The following PLXNA4 variants were observed in gnomAD, a reference collection of about 807,000 sequenced individuals.
PLXNA4 encodes plexin-A4.
A neutral mutation model predicts 191.8 loss-of-function variants in PLXNA4; 44 were observed. The ratio of observed to expected loss-of-function variants is 0.23; its 90% CI spans 0.18 to 0.29. The LOEUF is 0.29. PLXNA4 is among the 10% of genes least tolerant of loss of function. The probability of loss-of-function intolerance (pLI) is 1.00; values close to 1 mark genes in which losing one functional copy is unlikely to be tolerated. For missense variants in PLXNA4, 1,800 were observed against 2,488.8 expected (o/e 0.72, Z 5.89); for synonymous variants, 1,082 against 1,009.5 (o/e 1.07, Z -1.36).
rs924361526 is a variant in PLXNA4 at position 132,612,987 on chromosome 7, G to GA, written c.-87+32940dup. ...CAGTCACCTAGATGTAACACTATGAGAAAAAAAAAACGGACTTAATCTTTA... is the reference window on the plus strand; with the variant it reads ...CAGTCACCTAGATGTAACACTATGAGAAAAAAAAAAACGGACTTAATCTTTA... On this transcript the variant is annotated intron_variant, in intron 2 of 4. Transcript: ENST00000378539. Among the ~76,000 whole-genome samples the GA allele has an allele frequency of 9.0e-3, 1,325 of 147,040 alleles. 9 individuals are homozygous for GA. Among genetic ancestry groups the GA allele is most frequent in the African/African-American group, 0.02 (784 of 40,136 alleles).
chr7:132,393,887 A>C (rs1230441239), intron 3 of PLXNA4, among the ~76,000 whole-genome samples: 1 of 152,180 alleles, frequency 6.6e-6, no homozygotes, highest in African/African-American at 2.4e-5. Context: ...GGGGCTGTGT[A>C]ACAATCCAGG....
intron 5 of PLXNA4, among the ~76,000 whole-genome samples, chr7:132,231,467 C>A (rs992933075): frequency 1.3e-5 from 2 of 152,076 alleles, no homozygotes; most frequent in African/African-American, 4.8e-5. Flanking sequence ...CTCTGTAGCC[C>A]AGGCTGGAAT....
intron 1 of PLXNA4, among the ~76,000 whole-genome samples, chr7:132,526,768 G>A (rs1019257342): frequency 3.9e-5 from 6 of 152,168 alleles, no homozygotes; most frequent in Non-Finnish European, 8.8e-5. Context: ...CTCTCAAATA[G>A]GTCACTAGGA....
At chr7:132,574,744 A>C (rs553030913) in intron 1 of PLXNA4, among the ~76,000 whole-genome samples, 264 of 152,340 alleles carry the variant, frequency 1.7e-3, no homozygotes, top group Non-Finnish European at 2.9e-3. Context: ...GCTTCTCCCC[A>C]GCCTAGCCAG....
At position 132,537,603 on chromosome 7, in the gene PLXNA4, A is replaced by G. The variant is rs139176339; in HGVS notation, c.-86-28824T>C. Among the ~76,000 whole-genome samples, 1,381 of 152,316 alleles carry G rather than the reference A, an allele frequency of 9.1e-3. 27 individuals carry two copies. Among genetic ancestry groups the G allele is most frequent in the African/African-American group, 0.031 (1,288 of 41,582 alleles). On this transcript the variant is annotated intron_variant, in intron 1 of 31. Transcript: ENST00000321063. Reference sequence around the variant, plus strand: ...CTGCAGGGTGTCTCGGGACTGAGGCACATGTGCCTGACCAGACCCGGAAGA... The same window carrying G: ...CTGCAGGGTGTCTCGGGACTGAGGCGCATGTGCCTGACCAGACCCGGAAGA...
intron 25 of PLXNA4, among the ~76,000 whole-genome samples, chr7:132,156,515 G>A (rs942500411): frequency 9.2e-5 from 14 of 152,188 alleles, no homozygotes; most frequent in East Asian, 3.9e-4. Flanking sequence ...TGCTCCTGCC[G>A]TGCCAGGGGC....
Position 132,341,524 on chromosome 7 carries a change from G to A in PLXNA4, c.1372-43302C>T, listed in dbSNP as rs141621019. Among the ~76,000 whole-genome samples, 106 of 152,256 alleles carry A rather than the reference G, an allele frequency of 7.0e-4. 1 individual carries two copies. The highest frequency in any genetic ancestry group is 3.4e-3 in the Middle Eastern group (1 of 294). On this transcript the variant is annotated intron_variant, in intron 3 of 31. Coordinates refer to ENST00000321063, the MANE Select transcript of PLXNA4 (RefSeq NM_020911.2). The stretch of plus-strand genomic sequence containing the variant: ...AGAATGGCCCCAACCAATGTTTCCA[G>A]CCCCATATCCTGCCTTCCTGCATGG...
intron 4 of PLXNA4, among the ~76,000 whole-genome samples, chr7:132,287,799 CGG>C (rs1800739453): frequency 6.6e-6 from 1 of 152,162 alleles, no homozygotes; most frequent in African/African-American, 2.4e-5. Context: ...CCATGTACCC[CGG>C]GATGCCCTAG....
intron 2 of PLXNA4, among the ~76,000 whole-genome samples, chr7:132,497,814 G>C (rs1206629145): frequency 6.6e-6 from 1 of 152,136 alleles, no homozygotes; most frequent in Non-Finnish European, 1.5e-5. Flanking sequence ...TGGAAACAAT[G>C]CTGGAGTGAG....
intron 4 of PLXNA4, among the ~76,000 whole-genome samples, chr7:132,253,061 T>C (rs11762143): frequency 0.49 from 74,502 of 151,892 alleles, 19,068 homozygotes; most frequent in East Asian, 0.75. Context: ...AGTTACATAT[T>C]TGCTAACAGT....
upstream of PLXNA4, among the ~76,000 whole-genome samples, chr7:132,579,691 G>A (rs939953404): frequency 6.6e-6 from 1 of 152,114 alleles, no homozygotes; most frequent in Non-Finnish European, 1.5e-5. Flanking sequence ...GCAAAAAGCT[G>A]GACCAGCCAC....
intron 3 of PLXNA4, among the ~76,000 whole-genome samples, chr7:132,425,093 G>C (rs28568670): frequency 6.6e-6 from 1 of 152,132 alleles, no homozygotes; most frequent in South Asian, 2.1e-4. Flanking sequence ...TGGACCCTCC[G>C]CACTGCCAAG....
chr7:132,489,245 G>T (rs1274611643), intron 3 of PLXNA4, 47 bp downstream of exon 3: 2 of 1,535,946 alleles, frequency 1.3e-6, no homozygotes, highest in Non-Finnish European at 1.8e-6. Context: ...GCCCAGGAGG[G>T]ACAGACTGTC....
At chr7:132,197,576 T>C (rs1002025711) in intron 13 of PLXNA4, among the ~76,000 whole-genome samples, 1 of 152,176 alleles carries the variant, frequency 6.6e-6, no homozygotes, top group Non-Finnish European at 1.5e-5. Flanking sequence ...TAGAAAGATC[T>C]TTTGGTAACT....
chr7:132,400,832 A>G (rs1241948268), intron 3 of PLXNA4, among the ~76,000 whole-genome samples: 1 of 152,252 alleles, frequency 6.6e-6, no homozygotes, highest in African/African-American at 2.4e-5. Context: ...CAGCATTCCA[A>G]TCAGATTATT....
intron 10 of PLXNA4, among the ~76,000 whole-genome samples, chr7:132,206,437 GGTGTGTGTGTGTGTGTGTGTGT>G (rs61032250): frequency 1.3e-5 from 2 of 148,334 alleles, no homozygotes; most frequent in African/African-American, 2.5e-5. Flanking sequence ...TATGTTTTCT[GGTGTGTGTGTGTGTGTGTGTGT>G]GTGTGTGTGT....
intron 3 of PLXNA4, among the ~76,000 whole-genome samples, chr7:132,469,006 G>A (rs1291516132): frequency 6.6e-6 from 1 of 150,976 alleles, no homozygotes; most frequent in African/African-American, 2.4e-5. Context: ...TGAGATGTTA[G>A]TACCAAGGGC....
chr7:132,585,868 C>A (rs749817271), intron 2 of PLXNA4, among the ~76,000 whole-genome samples: 3 of 152,170 alleles, frequency 2.0e-5, no homozygotes, highest in Non-Finnish European at 4.4e-5. Flanking sequence ...CCCAAAGGCC[C>A]CAACTTGGGG....
Position 132,216,406 on chromosome 7 carries a change from T to C in PLXNA4, c.2098-5263A>G, listed in dbSNP as rs547189193. On this transcript the variant is annotated intron_variant, in intron 9 of 31. Transcript: ENST00000321063. ...GGCATTCAGCAAACCAGTGAATGAA[T>C]ACTGAAGGCATGGGGGAGGTGGGCC... 1.6e-3 allele frequency among the ~76,000 whole-genome samples: 248 copies of C among 152,264 alleles called. 1 individual carries two copies. Among genetic ancestry groups the C allele is most frequent in the African/African-American group, 5.8e-3 (239 of 41,560 alleles).
Sources: allele counts gnomAD v4.1 joint callset (sites outside exome capture counted in the v4.1 genomes callset), GRCh38; gene constraint gnomAD v4.1.1; transcripts MANE v1.5; gene names NCBI Gene and HGNC (gene_info 2026-07-23, HGNC 2026-07-21).